IGF1R: variants seen among roughly 807,000 people sequenced by gnomAD.
The protein encoded by IGF1R is insulin like growth factor 1 receptor, also known as insulin-like growth factor 1 receptor.
A neutral mutation model predicts 144.6 loss-of-function variants in IGF1R; 44 were observed. The observed-to-expected ratio is 0.30, with a 90% CI of 0.24 to 0.39. IGF1R has a LOEUF of 0.39. IGF1R is among the 10% of genes least tolerant of loss of function. The probability of loss-of-function intolerance (pLI) is 1.00; values close to 1 mark genes in which losing one functional copy is unlikely to be tolerated. For synonymous variants in IGF1R, 795 were observed against 722.8 expected, an observed-to-expected ratio of 1.10 and a Z score of -1.60; for missense variants, 1,355 against 1,833.7, an observed-to-expected ratio of 0.74 and a Z score of 4.77.
At chr15:98,800,339 T>C (rs764413239) in intron 2 of IGF1R, among the ~76,000 whole-genome samples, 1 of 152,164 alleles carries the variant, frequency 6.6e-6, no homozygotes, top group Non-Finnish European at 1.5e-5. Flanking sequence ...TCTCATAAGA[T>C]TTCTAGCAGG....
intron 1 of IGF1R, among the ~76,000 whole-genome samples, chr15:98,662,327 G>T (rs948830057): frequency 6.6e-6 from 1 of 152,020 alleles, no homozygotes; most frequent in Non-Finnish European, 1.5e-5. Context: ...TTTGAACCCG[G>T]ACGTCTGAGT....
At chr15:98,753,912 G>C (rs1179315826) in intron 2 of IGF1R, among the ~76,000 whole-genome samples, 1 of 152,118 alleles carries the variant, frequency 6.6e-6, no homozygotes, top group African/African-American at 2.4e-5. Context: ...CTCTTGAAAA[G>C]TCTTTGTTGC....
At chr15:98,829,414 G>A (rs2056961294) in intron 2 of IGF1R, among the ~76,000 whole-genome samples, 1 of 151,992 alleles carries the variant, frequency 6.6e-6, no homozygotes, top group African/African-American at 2.4e-5. Flanking sequence ...CCTCTATCCG[G>A]GTGTTATACA....
At chr15:98,883,321 T>C (rs576871288) in intron 2 of IGF1R, among the ~76,000 whole-genome samples, 1 of 152,340 alleles carries the variant, frequency 6.6e-6, no homozygotes, top group African/African-American at 2.4e-5. Context: ...TTTCCAACCA[T>C]TCCTTAGGAT....
intron 2 of IGF1R, among the ~76,000 whole-genome samples, chr15:98,780,473 C>G (rs1008318252): frequency 6.9e-6 from 1 of 144,306 alleles, no homozygotes; most frequent in African/African-American, 2.5e-5. Flanking sequence ...CGCTTGAACC[C>G]GGGAGGTGGA....
At chr15:98,819,936 C>T (rs182898059) in intron 2 of IGF1R, among the ~76,000 whole-genome samples, 117 of 152,254 alleles carry the variant, frequency 7.7e-4, no homozygotes, top group Non-Finnish European at 1.3e-3. Flanking sequence ...GAAACTTCCA[C>T]GGCACACATT....
intron 1 of IGF1R, among the ~76,000 whole-genome samples, chr15:98,686,251 T>C (rs2053325130): frequency 6.6e-6 from 1 of 152,264 alleles, no homozygotes. Flanking sequence ...TTTAATAATA[T>C]ATGTATGTGT....
At chr15:98,779,835 G>GTCT (rs1419633390) in intron 2 of IGF1R, among the ~76,000 whole-genome samples, 1 of 152,202 alleles carries the variant, frequency 6.6e-6, no homozygotes, top group Non-Finnish European at 1.5e-5. Context: ...TGGCACAGGG[G>GTCT]TGAAGATGAC....
chr15:98,954,233 T>G (rs1320632974), intron 20 of IGF1R: 1 of 151,714 alleles, frequency 6.6e-6, no homozygotes, highest in Non-Finnish European at 1.5e-5. Context: ...TCACCCAGCC[T>G]CCGGGGGGGG....
chr15:98,728,380 T>G lies in IGF1R; in HGVS notation c.640+20273T>G, dbSNP rs147449687. ...TGACTGGAGGGGCCTGAGCTCCTCC[T>G]CCACTGCTCAAGACCCCGGTTAAGG... On this transcript the variant is annotated intron_variant, in intron 2 of 20. Coordinates refer to ENST00000650285, the MANE Select transcript of IGF1R (RefSeq NM_000875.5). Among the ~76,000 whole-genome samples the G allele has an allele frequency of 1.5e-3, 236 of 152,284 alleles. 1 individual carries two copies. The East Asian group carries it at 0.018, about 12-fold the overall frequency.
intron 2 of IGF1R, among the ~76,000 whole-genome samples, chr15:98,764,202 C>T (rs139183889): frequency 3.3e-5 from 5 of 152,258 alleles, no homozygotes; most frequent in African/African-American, 4.8e-5. Context: ...CTGAAGCTTT[C>T]GTGTCTTTAC....
At chr15:98,729,089 T>TTA (rs1243492885) in intron 2 of IGF1R, among the ~76,000 whole-genome samples, 1 of 152,256 alleles carries the variant, frequency 6.6e-6, no homozygotes, top group African/African-American at 2.4e-5. Flanking sequence ...GGACTCACTG[T>TTA]TAAAGGATTA....
intron 2 of IGF1R, among the ~76,000 whole-genome samples, chr15:98,749,359 A>G (rs1188193980): frequency 6.6e-6 from 1 of 152,174 alleles, no homozygotes; most frequent in Non-Finnish European, 1.5e-5. Context: ...TTGGTGACCC[A>G]AAGTGATTTG....
intron 2 of IGF1R, among the ~76,000 whole-genome samples, chr15:98,881,752 G>T (rs1273072573): frequency 6.6e-6 from 1 of 152,194 alleles, no homozygotes; most frequent in Admixed American, 6.5e-5. Flanking sequence ...TAACAGCTGT[G>T]TGCTCTTGGT....
chr15:98,737,185 C>G (rs2054631383), intron 2 of IGF1R, among the ~76,000 whole-genome samples: 1 of 152,252 alleles, frequency 6.6e-6, no homozygotes, highest in South Asian at 2.1e-4. Context: ...TAATTACTTC[C>G]TGCACTCATC....
rs185728238 is a variant in IGF1R at position 98,962,444 on chromosome 15, T to C, written c.*5002T>C. On this transcript the variant is annotated 3_prime_UTR_variant, in exon 21 of 21. Transcript: ENST00000650285. The stretch of plus-strand genomic sequence containing the variant: ...GGCGAAAGACACTTTCTTTCTTCAC[T>C]CTGAAGTAGCTGGTGGTACAAATGA... The C allele has an allele frequency of 3.3e-3, 770 of 233,790 alleles. 13 individuals carry two copies. The highest frequency in any genetic ancestry group is 5.6e-3 in the Admixed American group (100 of 17,802). The allele number at this position is 233,790 out of a possible 1,614,324, so 14.5% of individuals were successfully genotyped here. A position where few individuals can be genotyped will look rare whatever the true frequency, so the allele number is the denominator to read the frequency against.
chr15:98,931,875 T>G (rs953347401), intron 15 of IGF1R, among the ~76,000 whole-genome samples: 1 of 152,158 alleles, frequency 6.6e-6, no homozygotes, highest in South Asian at 2.1e-4. Flanking sequence ...AAGATAGATA[T>G]GCATTGTTTG....
At chr15:98,951,100 C>A (rs969847784) in intron 20 of IGF1R, among the ~76,000 whole-genome samples, 1 of 149,036 alleles carries the variant, frequency 6.7e-6, no homozygotes, top group Admixed American at 6.8e-5. Flanking sequence ...GTGGACACTT[C>A]GTGTGGAATT....
intron 20 of IGF1R, among the ~76,000 whole-genome samples, chr15:98,956,711 A>G (rs1344540175): frequency 6.6e-6 from 1 of 152,256 alleles, no homozygotes; most frequent in Non-Finnish European, 1.5e-5. Context: ...CGCCTCAGAT[A>G]GAAAACTGGT....
Sources: allele counts gnomAD v4.1 joint callset (sites outside exome capture counted in the v4.1 genomes callset), GRCh38; gene constraint gnomAD v4.1.1; transcripts MANE v1.5; gene names NCBI Gene and HGNC (gene_info 2026-07-23, HGNC 2026-07-21).